TLE4: variants seen among roughly 807,000 people sequenced by gnomAD.
TLE4 encodes transducin-like enhancer protein 4.
In TLE4, 8 loss-of-function variants were observed where a neutral mutation model predicts 92.8. The observed-to-expected ratio is 0.09, with a 90% CI of 0.05 to 0.16. TLE4 has a LOEUF of 0.16. Ranked by LOEUF, TLE4 falls within the 10% of genes least tolerant of loss-of-function variation. The pLI is 1.00. For synonymous variants in TLE4, 371 were observed against 374.1 expected, an observed-to-expected ratio of 0.99 and a Z score of 0.10; for missense variants, 675 against 997.6, an observed-to-expected ratio of 0.68 and a Z score of 4.36.
At chr9:79,653,957 C>T in intron 7 of TLE4, 102 bp from the exon 8 acceptor site, 1 of 1,310,246 alleles carries the variant, frequency 7.6e-7, no homozygotes, top group Non-Finnish European at 1.1e-6. Context: ...TAGCAGAGAT[C>T]AAGTTTGATA....
At chr9:79,707,339 TC>T (rs1212921360) in intron 11 of TLE4, 1 of 822,392 alleles carries the variant, frequency 1.2e-6, no homozygotes, top group South Asian at 1.6e-5. Context: ...TTTACAAAAG[TC>T]TATCTTGACT....
At chr9:79,643,689 T>C (rs1347248123) in intron 6 of TLE4, among the ~76,000 whole-genome samples, 1 of 152,174 alleles carries the variant, frequency 6.6e-6, no homozygotes, top group East Asian at 1.9e-4. Context: ...GTGATGTGTA[T>C]TTCCAGTTGT....
intron 4 of TLE4, among the ~76,000 whole-genome samples, chr9:79,578,937 T>A (rs7852171): frequency 3.5e-5 from 5 of 141,516 alleles, no homozygotes; most frequent in African/African-American, 2.6e-5. Context: ...GCTAAGCAGA[T>A]GAAGCAAAAA....
chr9:79,713,489 T>A (rs1378282043), intron 14 of TLE4, among the ~76,000 whole-genome samples: 1 of 152,180 alleles, frequency 6.6e-6, no homozygotes, highest in East Asian at 1.9e-4. Context: ...GGAGGTCAGG[T>A]CACTCTATTT....
chr9:79,674,188 C>T (rs1385237597), intron 8 of TLE4, among the ~76,000 whole-genome samples: 1 of 152,184 alleles, frequency 6.6e-6, no homozygotes. Flanking sequence ...CTGGAGACAG[C>T]TCTGCCCCTG....
intron 6 of TLE4, among the ~76,000 whole-genome samples, chr9:79,639,148 G>A (rs1218577158): frequency 6.6e-6 from 1 of 152,068 alleles, no homozygotes; most frequent in African/African-American, 2.4e-5. Flanking sequence ...TGTGATGGGA[G>A]GGGATGGGAT....
intron 8 of TLE4, among the ~76,000 whole-genome samples, chr9:79,700,683 T>TA (rs1413100021): frequency 4.0e-5 from 6 of 151,494 alleles, no homozygotes; most frequent in Admixed American, 1.3e-4. Context: ...CTCTTTTTCT[T>TA]AAACAGATCT....
At chr9:79,611,116 T>C (rs1447349478) in intron 4 of TLE4, among the ~76,000 whole-genome samples, 5 of 152,102 alleles carry the variant, frequency 3.3e-5, no homozygotes, top group African/African-American at 1.2e-4. Context: ...AATGCTACTC[T>C]ATTTTTATTG....
rs145544651 is a variant in TLE4, at chr9:79,685,218, A to T, written c.610-19565A>T. ...TCCCTGGGTTCTAAACCCATATAAGAAGCATTGTTACCCTCATTCCTGCTG... is the reference window on the plus strand; with the variant it reads ...TCCCTGGGTTCTAAACCCATATAAGTAGCATTGTTACCCTCATTCCTGCTG... On this transcript the variant is annotated intron_variant, in intron 8 of 19. Transcript: ENST00000376552. Among the ~76,000 whole-genome samples the T allele has an allele frequency of 6.8e-4, 104 of 152,312 alleles. 1 individual carries two copies. The highest frequency in any genetic ancestry group is 2.4e-3 in the African/African-American group (99 of 41,568).
chr9:79,721,919 T>TA (rs1373391789), intron 17 of TLE4, 31 bp downstream of exon 17: 2 of 1,601,152 alleles, frequency 1.2e-6, no homozygotes, highest in East Asian at 2.2e-5. Context: ...ATTTTAAAGA[T>TA]ACGGTTTTAG....
chr9:79,625,019 T>C (rs200057674), intron 5 of TLE4, among the ~76,000 whole-genome samples: 6 of 126,790 alleles, frequency 4.7e-5, no homozygotes, highest in East Asian at 2.3e-4. Context: ...CTTTTCTTTT[T>C]TTTTTTTTTT....
intron 14 of TLE4, among the ~76,000 whole-genome samples, chr9:79,713,382 A>G (rs943420773): frequency 2.6e-5 from 4 of 152,182 alleles, no homozygotes; most frequent in African/African-American, 9.7e-5. Flanking sequence ...CAAGCCTAGC[A>G]TTTTCTTCAA....
chr9:79,720,478 A>G (rs1258688207), intron 16 of TLE4, among the ~76,000 whole-genome samples, 185 bp downstream of exon 16: 1 of 151,906 alleles, frequency 6.6e-6, no homozygotes. Flanking sequence ...CCATTTTAAG[A>G]TGTTAAAAAT....
At chr9:79,693,485 G>T in intron 8 of TLE4, 1 of 312,342 alleles carries the variant, frequency 3.2e-6, no homozygotes, top group Non-Finnish European at 6.4e-6. Flanking sequence ...GCATTAGGTT[G>T]TGGGATCTTC....
chr9:79,591,931 C>T (rs2042619734), intron 4 of TLE4, among the ~76,000 whole-genome samples: 1 of 152,122 alleles, frequency 6.6e-6, no homozygotes, highest in Non-Finnish European at 1.5e-5. Context: ...TGCTTTCGTT[C>T]ATCACCTTAC....
intron 8 of TLE4, among the ~76,000 whole-genome samples, chr9:79,686,531 A>T (rs1050018536): frequency 6.6e-5 from 10 of 152,296 alleles, no homozygotes; most frequent in Non-Finnish European, 1.3e-4. Context: ...CCAGTGACTC[A>T]TGTCCTTATA....
At chr9:79,697,874 C>T (rs2068695369) in intron 8 of TLE4, among the ~76,000 whole-genome samples, 1 of 151,942 alleles carries the variant, frequency 6.6e-6, no homozygotes, top group Non-Finnish European at 1.5e-5. Flanking sequence ...CTCAAGGAGC[C>T]CTACTGAAAA....
chr9:79,698,450 A>G (rs573780396), intron 8 of TLE4, among the ~76,000 whole-genome samples: 55 of 152,352 alleles, frequency 3.6e-4, no homozygotes, highest in South Asian at 1.0e-3. Flanking sequence ...TTTGTTAAGA[A>G]TAGATTCATT....
intron 6 of TLE4, among the ~76,000 whole-genome samples, chr9:79,633,944 CT>C (rs1161269784): frequency 3.3e-5 from 5 of 152,146 alleles, no homozygotes; most frequent in Admixed American, 1.3e-4. Context: ...TTTTTAAGGA[CT>C]TTTGTTGCCT....
Sources: allele counts gnomAD v4.1 joint callset (sites outside exome capture counted in the v4.1 genomes callset), GRCh38; gene constraint gnomAD v4.1.1; transcripts MANE v1.5; gene names NCBI Gene and HGNC (gene_info 2026-07-23, HGNC 2026-07-21).